Variants in DLGAP1 observed in about 807,000 individuals in gnomAD.
The protein encoded by DLGAP1 is disks large-associated protein 1.
Under a neutral mutation model 90.8 loss-of-function variants are expected in DLGAP1, and 11 were observed. The observed-to-expected ratio is 0.12, with a 90% CI of 0.08 to 0.20. The LOEUF (loss-of-function observed/expected upper bound fraction) is 0.20, where lower values mean the gene tolerates loss of function less well. Ranked by LOEUF, DLGAP1 falls within the 10% of genes least tolerant of loss-of-function variation. The probability of loss-of-function intolerance (pLI) is 1.00; values close to 1 mark genes in which losing one functional copy is unlikely to be tolerated. For missense variants in DLGAP1, 1,050 were observed against 1,333.8 expected, an observed-to-expected ratio of 0.79 and a Z score of 3.31; for synonymous variants, 558 against 540.7, an observed-to-expected ratio of 1.03 and a Z score of -0.44.
intron 6 of DLGAP1, among the ~76,000 whole-genome samples, chr18:3,739,569 T>C: frequency 7.3e-6 from 1 of 136,446 alleles, no homozygotes; most frequent in Non-Finnish European, 1.5e-5. Flanking sequence ...AGGTGGGAAT[T>C]GAACAATGAG....
intron 7 of DLGAP1, among the ~76,000 whole-genome samples, chr18:3,724,222 T>C (rs958289233): frequency 2.0e-5 from 3 of 152,064 alleles, no homozygotes; most frequent in African/African-American, 7.2e-5. Flanking sequence ...TGGTCCCAGC[T>C]ACTCTAGAGG....
intron 2 of DLGAP1, among the ~76,000 whole-genome samples, chr18:4,040,999 A>G (rs1187694347): frequency 1.3e-5 from 2 of 152,174 alleles, no homozygotes; most frequent in African/African-American, 2.4e-5. Flanking sequence ...CTGAACAGAC[A>G]TGGAGTCCTC....
At chr18:4,037,916 C>T (rs549144246) in intron 2 of DLGAP1, among the ~76,000 whole-genome samples, 4 of 152,278 alleles carry the variant, frequency 2.6e-5, no homozygotes, top group South Asian at 2.1e-4. Flanking sequence ...GCTGAGATCA[C>T]GCCACTGCAT....
chr18:3,769,304 T>C (rs2064404190), intron 5 of DLGAP1, among the ~76,000 whole-genome samples: 1 of 152,178 alleles, frequency 6.6e-6, no homozygotes, highest in African/African-American at 2.4e-5. Context: ...GGTAGGAATG[T>C]AAAATGGTAC....
At position 3,711,485 on chromosome 18, in the gene DLGAP1, C is replaced by T. The variant is rs566743466; in HGVS notation, c.1591+17650G>A. ...GTGAGACAACTTCAACTTCAATCACCTAAAAGTGGCTCACGTATCCCACCC... is the reference window on the plus strand; with the variant it reads ...GTGAGACAACTTCAACTTCAATCACTTAAAAGTGGCTCACGTATCCCACCC... On this transcript the variant is annotated intron_variant, in intron 7 of 12. Coordinates refer to ENST00000315677, the MANE Select transcript of DLGAP1 (RefSeq NM_004746.4). This position sits in a 1 kb window ranked among gnomAD's most constrained non-coding sequence, Gnocchi z 4.0. Among the ~76,000 whole-genome samples the T allele has an allele frequency of 6.6e-6, 1 of 152,314 alleles. No homozygotes were observed. Among genetic ancestry groups the T allele is most frequent in the South Asian group, 2.1e-4 (1 of 4,826 alleles).
At chr18:3,696,430 C>T (rs1359847129) in intron 7 of DLGAP1, among the ~76,000 whole-genome samples, 1 of 152,062 alleles carries the variant, frequency 6.6e-6, no homozygotes, top group African/African-American at 2.4e-5. Context: ...TTATTGAAGG[C>T]CTTTTCTGCA....
chr18:3,580,625 G>A (rs1460629884), intron 8 of DLGAP1: 15 of 1,593,940 alleles, frequency 9.4e-6, no homozygotes, highest in East Asian at 2.2e-5. Flanking sequence ...ATGTGCCGGT[G>A]AGCCTTTGTC....
intron 1 of DLGAP1, among the ~76,000 whole-genome samples, chr18:4,235,558 A>C (rs1334532761): frequency 1.3e-5 from 2 of 152,012 alleles, no homozygotes; most frequent in Non-Finnish European, 2.9e-5. Flanking sequence ...GTTACATAAA[A>C]ATTTCTTTGT....
At chr18:4,198,788 C>T (rs1249206673) in intron 1 of DLGAP1, among the ~76,000 whole-genome samples, 1 of 152,188 alleles carries the variant, frequency 6.6e-6, no homozygotes, top group African/African-American at 2.4e-5. Flanking sequence ...TGATGTATTA[C>T]ATTCTGCAGT....
intron 1 of DLGAP1, among the ~76,000 whole-genome samples, chr18:4,253,360 T>C (rs1024548931): frequency 2.6e-5 from 4 of 152,176 alleles, no homozygotes; most frequent in Admixed American, 1.3e-4. Context: ...TCTGAAATAT[T>C]TGAACATAGT....
intron 2 of DLGAP1, among the ~76,000 whole-genome samples, chr18:4,028,742 C>T (rs78691187): frequency 0.15 from 23,447 of 152,158 alleles, 2,198 homozygotes; most frequent in Non-Finnish European, 0.19. Flanking sequence ...TTCCAGACTA[C>T]TGAAGTTTAA....
intron 7 of DLGAP1, among the ~76,000 whole-genome samples, chr18:3,626,476 C>A (rs1211231490): frequency 2.0e-5 from 3 of 150,538 alleles, no homozygotes; most frequent in Non-Finnish European, 4.4e-5. Flanking sequence ...CGTCTGTAGT[C>A]CCAGCTACTC....
At chr18:3,963,090 T>C (rs2073238690) in intron 3 of DLGAP1, among the ~76,000 whole-genome samples, 1 of 152,342 alleles carries the variant, frequency 6.6e-6, no homozygotes, top group East Asian at 1.9e-4. Flanking sequence ...GTCTGCCTTC[T>C]ATAATTGTGG....
At chr18:4,351,493 A>G (rs1431667216) in intron 1 of DLGAP1, among the ~76,000 whole-genome samples, 2 of 152,334 alleles carry the variant, frequency 1.3e-5, no homozygotes, top group African/African-American at 4.8e-5. Flanking sequence ...CTCGAAATCT[A>G]GCTAAGGGTC....
At chr18:3,951,788 C>T (rs1474537413) in intron 3 of DLGAP1, among the ~76,000 whole-genome samples, 1 of 152,132 alleles carries the variant, frequency 6.6e-6, no homozygotes, top group African/African-American at 2.4e-5. Flanking sequence ...CCCCTTCACA[C>T]ATTTTTTTCT....
chr18:4,203,388 C>T (rs1036322474), intron 1 of DLGAP1, among the ~76,000 whole-genome samples: 2 of 151,902 alleles, frequency 1.3e-5, no homozygotes, highest in Non-Finnish European at 2.9e-5. Flanking sequence ...TTTCTAAGGG[C>T]CCACATTTGT....
At chr18:4,071,941 T>C (rs745493535) in intron 2 of DLGAP1, among the ~76,000 whole-genome samples, 24 of 152,202 alleles carry the variant, frequency 1.6e-4, no homozygotes, top group Non-Finnish European at 3.5e-4. Context: ...GTTAGACTTA[T>C]GGTCACTTTC....
chr18:3,885,692 G>A (rs749832190), intron 3 of DLGAP1, among the ~76,000 whole-genome samples: 9 of 152,180 alleles, frequency 5.9e-5, no homozygotes, highest in Non-Finnish European at 1.2e-4. Flanking sequence ...TGTTCGCTGT[G>A]ACTTCAACAT....
At chr18:4,140,431 T>C (rs905323994) in intron 2 of DLGAP1, among the ~76,000 whole-genome samples, 5 of 151,896 alleles carry the variant, frequency 3.3e-5, no homozygotes, top group African/African-American at 4.8e-5. Context: ...TTTAACTTTG[T>C]CCCCCCACTT....
Sources: allele counts gnomAD v4.1 joint callset (sites outside exome capture counted in the v4.1 genomes callset), GRCh38; gene constraint gnomAD v4.1.1; non-coding constraint Gnocchi (gnomAD v3.1); transcripts MANE v1.5; gene names NCBI Gene and HGNC (gene_info 2026-07-23, HGNC 2026-07-21).